PTPRR: variants seen among roughly 807,000 people sequenced by gnomAD.
PTPRR encodes protein tyrosine phosphatase receptor type R.
Under a neutral mutation model 77.2 loss-of-function variants are expected in PTPRR, and 38 were observed. The observed-to-expected ratio is 0.49, with a 90% CI of 0.38 to 0.65. PTPRR has a LOEUF of 0.65. Among genes scored for constraint, PTPRR ranks in the 30% least tolerant of loss-of-function variants. PTPRR has a pLI of 0.00. For missense variants in PTPRR, 744 were observed against 799.2 expected (o/e 0.93, Z 0.83); for synonymous variants, 299 against 283.1 (o/e 1.06, Z -0.57).
At chr12:70,805,731 T>C (rs894075964) in intron 2 of PTPRR, among the ~76,000 whole-genome samples, 4 of 152,198 alleles carry the variant, frequency 2.6e-5, no homozygotes, top group African/African-American at 9.7e-5. Flanking sequence ...CAACCAAATG[T>C]GGTAGATAAT....
intron 2 of PTPRR, among the ~76,000 whole-genome samples, chr12:70,860,796 G>T (rs1269167338): frequency 6.6e-6 from 1 of 152,106 alleles, no homozygotes; most frequent in Admixed American, 6.6e-5. Context: ...AATATTTAAT[G>T]TACTGGATGT....
At position 70,920,668 on chromosome 12, in the gene PTPRR, A is replaced by T. The variant is rs971852354; in HGVS notation, c.-278T>A. ...CTGGCCTTCTGGACGCCCAGAAGCC[A>T]AGGCGGAGACGGCAGGGTGGACTCC... On this transcript the variant is annotated 5_prime_UTR_variant, in exon 1 of 14. An upstream open reading frame in the 5' UTR gains an earlier in-frame stop. Coordinates refer to ENST00000283228, the MANE Select transcript of PTPRR (RefSeq NM_002849.4). 2.7e-6 allele frequency: 1 copy of T among 368,220 alleles called. No homozygotes were observed. The highest frequency in any genetic ancestry group is 2.0e-5 in the African/African-American group (1 of 48,794). The allele number at this position is 368,220 out of a possible 1,614,324, so 22.8% of individuals were successfully genotyped here.
chr12:70,828,259 A>G (rs377180016), intron 2 of PTPRR, among the ~76,000 whole-genome samples: 1 of 152,172 alleles, frequency 6.6e-6, no homozygotes, highest in African/African-American at 2.4e-5. Flanking sequence ...TTGTCTCCAC[A>G]TTCCTTTTCT....
chr12:70,763,967 A>T (rs1461217863), intron 3 of PTPRR, among the ~76,000 whole-genome samples: 1 of 151,634 alleles, frequency 6.6e-6, no homozygotes, highest in Non-Finnish European at 1.5e-5. Context: ...ATTGACATAT[A>T]GGCCTAGACT....
intron 10 of PTPRR, among the ~76,000 whole-genome samples, chr12:70,665,418 A>G (rs941336240): frequency 3.1e-5 from 3 of 96,458 alleles, no homozygotes; most frequent in Non-Finnish European, 3.9e-5. Context: ...GTCTCATTCT[A>G]TCACTCAGGT....
intron 2 of PTPRR, among the ~76,000 whole-genome samples, chr12:70,783,626 GCACCATGAGCTCCTGC>G (rs1483794539): frequency 6.6e-6 from 1 of 152,016 alleles, no homozygotes; most frequent in Non-Finnish European, 1.5e-5. Context: ...CCAAGAAAAA[GCACCATGAGCTCCTGC>G]TCTGGGTCTG....
At chr12:70,697,833 A>T (rs1003099273) in intron 8 of PTPRR, among the ~76,000 whole-genome samples, 3 of 152,172 alleles carry the variant, frequency 2.0e-5, no homozygotes, top group Non-Finnish European at 4.4e-5. Flanking sequence ...GACAAAAATC[A>T]GGTAGCCATA....
At chr12:70,867,218 G>T (rs1017766553) in intron 2 of PTPRR, among the ~76,000 whole-genome samples, 10 of 151,832 alleles carry the variant, frequency 6.6e-5, no homozygotes, top group Non-Finnish European at 1.3e-4. Flanking sequence ...GGAAATAAAG[G>T]GTATTCAATC....
At chr12:70,791,866 T>C (rs145941108) in intron 2 of PTPRR, among the ~76,000 whole-genome samples, 2 of 152,176 alleles carry the variant, frequency 1.3e-5, no homozygotes, top group African/African-American at 4.8e-5. Context: ...AAAATTACCA[T>C]GTGTATCTGG....
chr12:70,891,896 G>A (rs1893343624), intron 2 of PTPRR, among the ~76,000 whole-genome samples: 1 of 152,042 alleles, frequency 6.6e-6, no homozygotes, highest in African/African-American at 2.4e-5. Flanking sequence ...ATTATATTTT[G>A]GAGCAGAGAT....
At chr12:70,891,269 A>G (rs1299555980) in intron 2 of PTPRR, among the ~76,000 whole-genome samples, 1 of 152,134 alleles carries the variant, frequency 6.6e-6, no homozygotes, top group East Asian at 1.9e-4. Context: ...ATGACATTAC[A>G]AGATAGAACA....
chr12:70,719,986 A>G (rs112185622), intron 6 of PTPRR, among the ~76,000 whole-genome samples: 1 of 152,362 alleles, frequency 6.6e-6, no homozygotes, highest in East Asian at 1.9e-4. Flanking sequence ...TCCTGTCTGT[A>G]AGTGGCGCAC....
chr12:70,865,263 T>C (rs1892823444), intron 2 of PTPRR, among the ~76,000 whole-genome samples: 1 of 100,322 alleles, frequency 1.0e-5, no homozygotes, highest in Non-Finnish European at 2.6e-5. Context: ...AGACCTCTTT[T>C]TCTTTATAAA....
chr12:70,865,609 C>G (rs10748159), intron 2 of PTPRR, among the ~76,000 whole-genome samples: 78,077 of 151,984 alleles, frequency 0.51, 20,386 homozygotes, highest in East Asian at 0.61. Context: ...TGAATGATAA[C>G]GCTCATCCTC....
At chr12:70,711,579 G>A (rs956129107) in intron 6 of PTPRR, among the ~76,000 whole-genome samples, 6 of 151,940 alleles carry the variant, frequency 3.9e-5, no homozygotes, top group South Asian at 2.1e-4. Flanking sequence ...GTTTATCTAC[G>A]TAACAAACCT....
chr12:70,868,720 A>G (rs1034595554), intron 2 of PTPRR, among the ~76,000 whole-genome samples: 1 of 152,090 alleles, frequency 6.6e-6, no homozygotes, highest in African/African-American at 2.4e-5. Flanking sequence ...TCATGCTGCT[A>G]TAAAGACACA....
intron 2 of PTPRR, among the ~76,000 whole-genome samples, chr12:70,815,568 A>G (rs1474183081): frequency 6.6e-6 from 1 of 152,184 alleles, no homozygotes; most frequent in East Asian, 1.9e-4. Context: ...CCGTTAATAT[A>G]AGGAGGGTGA....
At chr12:70,913,743 A>G (rs981517727) in intron 1 of PTPRR, among the ~76,000 whole-genome samples, 4 of 152,168 alleles carry the variant, frequency 2.6e-5, no homozygotes, top group African/African-American at 2.4e-5. Context: ...TGTAAATTGC[A>G]CTAAGGTGGC....
intron 2 of PTPRR, among the ~76,000 whole-genome samples, chr12:70,880,941 A>G (rs2137103983): frequency 6.6e-6 from 1 of 152,332 alleles, no homozygotes; most frequent in South Asian, 2.1e-4. Flanking sequence ...GTTATACTTA[A>G]CATATAGATG....
Sources: allele counts gnomAD v4.1 joint callset (sites outside exome capture counted in the v4.1 genomes callset), GRCh38; gene constraint gnomAD v4.1.1; transcripts MANE v1.5; gene names NCBI Gene and HGNC (gene_info 2026-07-23, HGNC 2026-07-21).